The following MDGA2 variants were observed in gnomAD, a reference collection of about 807,000 sequenced individuals.
The protein encoded by MDGA2 is MAM domain containing glycosylphosphatidylinositol anchor 2, also known as MAM domain-containing glycosylphosphatidylinositol anchor protein 2.
Under a neutral mutation model 117.8 loss-of-function variants are expected in MDGA2, and 40 were observed. That is an observed-to-expected ratio of 0.34 (90% CI 0.26 to 0.44). MDGA2 has a LOEUF of 0.44. Among genes scored for constraint, MDGA2 ranks in the 20% least tolerant of loss-of-function variants. The pLI, the probability that MDGA2 is intolerant of heterozygous loss-of-function variation, is 1.00. For missense variants in MDGA2, 1,123 were observed against 1,250.6 expected, an observed-to-expected ratio of 0.90 and a Z score of 1.54; for synonymous variants, 452 against 439.0, an observed-to-expected ratio of 1.03 and a Z score of -0.37.
chr14:46,906,130 G>A (rs964648387), intron 10 of MDGA2, among the ~76,000 whole-genome samples: 2 of 151,878 alleles, frequency 1.3e-5, no homozygotes, highest in Non-Finnish European at 2.9e-5. Context: ...GCTAGATACT[G>A]TACTGTAGAA....
chr14:47,267,077 A>C (rs2139689993), intron 2 of MDGA2, among the ~76,000 whole-genome samples: 1 of 152,272 alleles, frequency 6.6e-6, no homozygotes, highest in Middle Eastern at 3.4e-3. Flanking sequence ...TCAGAGGATT[A>C]ATGAGGGATG....
At chr14:47,101,003 T>C (rs1880274051) in intron 5 of MDGA2, among the ~76,000 whole-genome samples, 1 of 151,720 alleles carries the variant, frequency 6.6e-6, no homozygotes, top group African/African-American at 2.4e-5. Context: ...AGTCTCCTCA[T>C]AAAGATCAGG....
chr14:47,602,177 C>A (rs1432020460), intron 1 of MDGA2, among the ~76,000 whole-genome samples: 2 of 152,104 alleles, frequency 1.3e-5, no homozygotes, highest in African/African-American at 4.8e-5. Context: ...CTTCTACCAG[C>A]AATGTAATGT....
rs140396456 is a variant in MDGA2, at chr14:47,564,105, T to C, written c.280+110412A>G. Among the ~76,000 whole-genome samples the C allele has an allele frequency of 1.7e-3, 253 of 152,286 alleles. 2 individuals are homozygous for C. Among genetic ancestry groups the C allele is most frequent in the African/African-American group, 5.2e-3 (218 of 41,570 alleles). Reference sequence around the variant, plus strand: ...CCCTCATCTCTTTTGGCTTGTAGGTTTTCTGCTAAAAGGTCCACTGTTAGC... The same window carrying C: ...CCCTCATCTCTTTTGGCTTGTAGGTCTTCTGCTAAAAGGTCCACTGTTAGC... On this transcript the variant is annotated intron_variant, in intron 1 of 16. Coordinates refer to ENST00000399232, the MANE Select transcript of MDGA2 (RefSeq NM_001113498.3).
chr14:47,158,024 C>T (rs1233273958), intron 3 of MDGA2, among the ~76,000 whole-genome samples: 2 of 151,922 alleles, frequency 1.3e-5, no homozygotes, highest in African/African-American at 4.8e-5. Context: ...CACACACACA[C>T]ACACACATAC....
intron 1 of MDGA2, among the ~76,000 whole-genome samples, chr14:47,373,835 G>A (rs1036823390): frequency 2.6e-5 from 4 of 152,194 alleles, no homozygotes; most frequent in Middle Eastern, 3.4e-3. Flanking sequence ...AATAATACTC[G>A]ATGTAGCTGA....
intron 7 of MDGA2, among the ~76,000 whole-genome samples, chr14:47,053,454 C>A (rs893962353): frequency 3.3e-5 from 5 of 151,470 alleles, no homozygotes; most frequent in African/African-American, 9.7e-5. Context: ...AACATACATC[C>A]TTTATGTGAC....
At chr14:47,223,253 C>G (rs1257178777) in intron 2 of MDGA2, among the ~76,000 whole-genome samples, 2 of 152,050 alleles carry the variant, frequency 1.3e-5, no homozygotes, top group East Asian at 3.9e-4. Context: ...GGAACACAAC[C>G]AAACCATATC....
chr14:47,318,624 G>A (rs1467831702), intron 1 of MDGA2, among the ~76,000 whole-genome samples: 3 of 152,066 alleles, frequency 2.0e-5, no homozygotes, highest in South Asian at 2.1e-4. Context: ...AAGCAAGAAC[G>A]GCACCTGATT....
At chr14:47,178,303 A>G (rs750310235) in intron 3 of MDGA2, among the ~76,000 whole-genome samples, 1 of 152,114 alleles carries the variant, frequency 6.6e-6, no homozygotes, top group Non-Finnish European at 1.5e-5. Flanking sequence ...GTTTCTTTCC[A>G]TATCTAAAAA....
chr14:47,142,681 A>T (rs1882773258), intron 4 of MDGA2, among the ~76,000 whole-genome samples: 1 of 152,210 alleles, frequency 6.6e-6, no homozygotes, highest in Non-Finnish European at 1.5e-5. Flanking sequence ...AAATCATTTT[A>T]GTAACAATTG....
chr14:47,272,142 G>A (rs1021458111), intron 2 of MDGA2, among the ~76,000 whole-genome samples: 1 of 152,074 alleles, frequency 6.6e-6, no homozygotes. Context: ...AAGGGAAGAC[G>A]AGGGAAAGGA....
intron 7 of MDGA2, among the ~76,000 whole-genome samples, chr14:47,041,707 A>G (rs1470419905): frequency 6.6e-6 from 1 of 152,098 alleles, no homozygotes; most frequent in African/African-American, 2.4e-5. Context: ...AGACTGTAAA[A>G]TGAAGCAAAT....
intron 1 of MDGA2, among the ~76,000 whole-genome samples, chr14:47,383,983 T>TGATAGATAGATAGATAGATAGATA (rs11439713): frequency 8.7e-4 from 123 of 141,784 alleles, no homozygotes; most frequent in South Asian, 2.2e-3. Flanking sequence ...AATAGATAGA[T>TGATAGATAGATAGATAGATAGATA]GATAGATAGA....
intron 6 of MDGA2, among the ~76,000 whole-genome samples, chr14:47,095,018 C>T (rs559141333): frequency 2.0e-5 from 3 of 151,856 alleles, no homozygotes; most frequent in Non-Finnish European, 4.4e-5. Flanking sequence ...CTTTGTATTT[C>T]TGTATTCCAT....
chr14:47,451,943 G>A (rs947337867), intron 1 of MDGA2, among the ~76,000 whole-genome samples: 1 of 152,090 alleles, frequency 6.6e-6, no homozygotes, highest in Non-Finnish European at 1.5e-5. Flanking sequence ...CTGGTTTGAA[G>A]GAATTGGAGA....
At position 47,675,416 on chromosome 14, in the gene MDGA2, G is replaced by A. The variant is rs1246047031; in HGVS notation, c.-620C>T. ...AAGGGAGGAGGGGGAAGAAGGAGGAGGAAAGGGTCCAACAGGGAGCGGAGT... is the reference window on the plus strand; with the variant it reads ...AAGGGAGGAGGGGGAAGAAGGAGGAAGAAAGGGTCCAACAGGGAGCGGAGT... On this transcript the variant is annotated 5_prime_UTR_variant, in exon 1 of 17. Coordinates refer to ENST00000399232, the MANE Select transcript of MDGA2 (RefSeq NM_001113498.3). Among the ~76,000 whole-genome samples, 1 of 152,008 alleles carries A rather than the reference G, an allele frequency of 6.6e-6. No homozygotes were observed. Among genetic ancestry groups the A allele is most frequent in the African/African-American group, 2.4e-5 (1 of 41,398 alleles).
At chr14:46,933,061 A>G (rs1884639286) in intron 9 of MDGA2, among the ~76,000 whole-genome samples, 1 of 152,022 alleles carries the variant, frequency 6.6e-6, no homozygotes, top group Non-Finnish European at 1.5e-5. Flanking sequence ...AAATCTAACA[A>G]AACCCCCACA....
rs574758709 is a variant in MDGA2, at chr14:47,288,590, G to A, written c.420+12821C>T. On this transcript the variant is annotated intron_variant, in intron 2 of 16. Transcript: ENST00000399232. ...CGAGTAAGTAAACAAGAAGGGGCCA[G>A]GTTGTAGAAGATAATGTTTTCTCAT... Among the ~76,000 whole-genome samples, 8 of 152,222 alleles carry A rather than the reference G, an allele frequency of 5.3e-5. No individual in the cohort carries two copies. The South Asian group carries it at 1.2e-3, about 24-fold the overall frequency.
Sources: allele counts gnomAD v4.1 joint callset (sites outside exome capture counted in the v4.1 genomes callset), GRCh38; gene constraint gnomAD v4.1.1; transcripts MANE v1.5; gene names NCBI Gene and HGNC (gene_info 2026-07-23, HGNC 2026-07-21).